Variants in PTPRD observed in about 807,000 individuals in gnomAD.
PTPRD encodes receptor-type tyrosine-protein phosphatase delta.
In PTPRD, 34 loss-of-function variants were observed where a neutral mutation model predicts 214.5. The observed-to-expected ratio is 0.16, with a 90% CI of 0.12 to 0.21. The LOEUF is 0.21. Ranked by LOEUF, PTPRD falls within the 10% of genes least tolerant of loss-of-function variation. The pLI is 1.00. For missense variants in PTPRD, 2,545 were observed against 2,398.7 expected, an observed-to-expected ratio of 1.06 and a Z score of -1.27; for synonymous variants, 1,128 against 845.7, an observed-to-expected ratio of 1.33 and a Z score of -5.79.
At chr9:10,311,162 A>G (rs769992110) in intron 3 of PTPRD, among the ~76,000 whole-genome samples, 2 of 151,714 alleles carry the variant, frequency 1.3e-5, no homozygotes, top group Non-Finnish European at 2.9e-5. Flanking sequence ...TTTCTCTAGT[A>G]CTAGGGAAAA....
At chr9:10,517,264 G>C (rs1359739184) in intron 2 of PTPRD, among the ~76,000 whole-genome samples, 1 of 151,772 alleles carries the variant, frequency 6.6e-6, no homozygotes, top group Non-Finnish European at 1.5e-5. Context: ...GTATTTTTCA[G>C]TGTACAAGTT....
At chr9:8,813,899 C>T (rs2096867930) in intron 11 of PTPRD, among the ~76,000 whole-genome samples, 1 of 152,300 alleles carries the variant, frequency 6.6e-6, no homozygotes, top group Non-Finnish European at 1.5e-5. Context: ...CCTGGTCCAC[C>T]ATTTTCCCCT....
chr9:9,674,841 G>C (rs1305162692), intron 7 of PTPRD, among the ~76,000 whole-genome samples: 3 of 151,820 alleles, frequency 2.0e-5, no homozygotes, highest in Non-Finnish European at 4.4e-5. Flanking sequence ...CTGGTAGCTG[G>C]TGTTGAGCAA....
At chr9:10,179,151 A>C (rs770396569) in intron 3 of PTPRD, among the ~76,000 whole-genome samples, 7 of 152,042 alleles carry the variant, frequency 4.6e-5, no homozygotes, top group Non-Finnish European at 7.4e-5. Context: ...TGAGTTAGAC[A>C]TCATTCATAT....
rs372854730 is a variant in PTPRD, at chr9:8,518,022, T to C, written c.1369A>G (p.Met457Val). 14 of 1,614,066 alleles carry C rather than the reference T, an allele frequency of 8.7e-6. No individual in the cohort carries two copies. The African/African-American group carries it at 1.2e-4, about 14-fold the overall frequency. The change falls in exon 21 of 46, where the codon ATG becomes GTG. Residue 457 changes from methionine (M) to valine (V), a missense_variant. Met to Val is a conservative substitution (Grantham distance 21). Coordinates refer to ENST00000381196, the MANE Select transcript of PTPRD (RefSeq NM_002839.4). ...QIQGYRVYYT[M>V]DPTQHVNNWM... ...TTGTTGACATGTTGAGTGGGATCCA[T>C]TGTATAATAAACTCTATATCCTTGG...
intron 11 of PTPRD, among the ~76,000 whole-genome samples, chr9:9,017,619 A>G (rs555839703): frequency 1.9e-4 from 29 of 152,320 alleles, no homozygotes; most frequent in Non-Finnish European, 2.9e-5. Context: ...AACACTAGTA[A>G]GGAAACTTGA....
At chr9:9,254,352 T>A (rs1175256168) in intron 9 of PTPRD, among the ~76,000 whole-genome samples, 1 of 152,106 alleles carries the variant, frequency 6.6e-6, no homozygotes, top group Non-Finnish European at 1.5e-5. Flanking sequence ...ATTATATGGA[T>A]GTGCTCATGG....
At chr9:9,216,343 T>C (rs754182546) in intron 9 of PTPRD, among the ~76,000 whole-genome samples, 4 of 152,170 alleles carry the variant, frequency 2.6e-5, no homozygotes, top group Non-Finnish European at 4.4e-5. Flanking sequence ...TCTACCTCAG[T>C]TTTCTCCTCT....
At chr9:9,251,396 C>A (rs188030422) in intron 9 of PTPRD, among the ~76,000 whole-genome samples, 19 of 152,226 alleles carry the variant, frequency 1.2e-4, no homozygotes, top group Non-Finnish European at 2.4e-4. Context: ...CATATTCATA[C>A]ATACTTGCTA....
chr9:9,179,880 T>C (rs141548488), intron 10 of PTPRD, among the ~76,000 whole-genome samples: 31 of 152,198 alleles, frequency 2.0e-4, no homozygotes, highest in African/African-American at 7.5e-4. Flanking sequence ...GGAGATAAAG[T>C]ACAGACCTCA....
intron 3 of PTPRD, among the ~76,000 whole-genome samples, chr9:10,273,036 A>G (rs1358314558): frequency 6.6e-6 from 1 of 152,198 alleles, no homozygotes; most frequent in Non-Finnish European, 1.5e-5. Flanking sequence ...TTTTCCCAGA[A>G]ATGCTCTGAT....
intron 2 of PTPRD, among the ~76,000 whole-genome samples, chr9:10,417,790 T>C (rs1416670913): frequency 6.6e-6 from 1 of 151,800 alleles, no homozygotes; most frequent in African/African-American, 2.4e-5. Flanking sequence ...ATAGCCAATA[T>C]GAACTGAATC....
Position 9,287,069 on chromosome 9 carries a change from A to ACAAAAAT in PTPRD, c.-202-103713_-202-103707dup, listed in dbSNP as rs771682432. 2.2e-3 allele frequency among the ~76,000 whole-genome samples: 330 copies of ACAAAAAT among 150,868 alleles called. 1 individual carries two copies. The highest frequency in any genetic ancestry group is 2.0e-3 in the Non-Finnish European group (136 of 67,620). Reference sequence around the variant, plus strand: ...GCAAAACACTGTCTCTGCTAAAAATACAAAAATCAGCTGGGCGTAGTTGTG... The same window carrying ACAAAAAT: ...GCAAAACACTGTCTCTGCTAAAAATACAAAAATCAAAAATCAGCTGGGCGTAGTTGTG... On this transcript the variant is annotated intron_variant, in intron 9 of 45. Transcript: ENST00000381196.
chr9:9,519,841 G>A (rs983354836), intron 8 of PTPRD, among the ~76,000 whole-genome samples: 5 of 151,908 alleles, frequency 3.3e-5, no homozygotes, highest in East Asian at 1.9e-4. Context: ...ATATAAAACC[G>A]AACAAGTTGA....
chr9:8,581,048 G>T (rs1053301322), intron 14 of PTPRD, among the ~76,000 whole-genome samples: 1 of 152,134 alleles, frequency 6.6e-6, no homozygotes, highest in African/African-American at 2.4e-5. Context: ...CTGCAGAAAA[G>T]AATGTTGTTT....
At chr9:8,770,953 G>A (rs1219266168) in intron 11 of PTPRD, among the ~76,000 whole-genome samples, 1 of 152,060 alleles carries the variant, frequency 6.6e-6, no homozygotes, top group Non-Finnish European at 1.5e-5. Context: ...GCAGAGGCGG[G>A]TGGATCACAA....
intron 3 of PTPRD, among the ~76,000 whole-genome samples, chr9:10,225,620 C>A (rs539351486): frequency 3.9e-5 from 6 of 152,124 alleles, no homozygotes; most frequent in Middle Eastern, 6.8e-3. Flanking sequence ...TGATTCAACT[C>A]CTTGCTTTTC....
chr9:9,715,941 G>A (rs982566598), intron 7 of PTPRD, among the ~76,000 whole-genome samples: 1 of 152,070 alleles, frequency 6.6e-6, no homozygotes, highest in Non-Finnish European at 1.5e-5. Flanking sequence ...CCATGCTGGT[G>A]CGCTGCACCC....
chr9:9,284,850 C>CT (rs1948865209), intron 9 of PTPRD, among the ~76,000 whole-genome samples: 1 of 151,690 alleles, frequency 6.6e-6, no homozygotes, highest in African/African-American at 2.4e-5. Context: ...GACAATAATG[C>CT]TTTTATCAAA....
Sources: gnomAD v4.1 joint callset for allele counts (sites outside exome capture counted in the v4.1 genomes callset) on GRCh38, gnomAD v4.1.1 for gene constraint, MANE v1.5 for transcripts, NCBI Gene and HGNC (gene_info 2026-07-23, HGNC 2026-07-21) for gene names.